NRXN1: variants seen among roughly 807,000 people sequenced by gnomAD.
NRXN1 encodes neurexin-1.
NRXN1 carries 39 observed loss-of-function variants against 150.9 expected under a neutral mutation model. The ratio of observed to expected loss-of-function variants is 0.26; its 90% CI spans 0.20 to 0.34. The LOEUF is 0.34. Ranked by LOEUF, NRXN1 falls within the 10% of genes least tolerant of loss-of-function variation. The pLI is 1.00. For missense variants in NRXN1, 1,815 were observed against 1,949.9 expected (o/e 0.93, Z 1.30); for synonymous variants, 924 against 757.0 (o/e 1.22, Z -3.62).
At chr2:50,493,467 C>T (rs377008474) in intron 15 of NRXN1, among the ~76,000 whole-genome samples, 15 of 152,170 alleles carry the variant, frequency 9.9e-5, no homozygotes, top group African/African-American at 3.4e-4. Context: ...GCTCCCTCAA[C>T]GCCAGTGTTC....
At chr2:50,865,061 T>C (rs974493825) in intron 5 of NRXN1, among the ~76,000 whole-genome samples, 4 of 151,778 alleles carry the variant, frequency 2.6e-5, no homozygotes, top group African/African-American at 9.7e-5. Flanking sequence ...TGCGTGTGTG[T>C]GTATGCGGTG....
intron 2 of NRXN1, among the ~76,000 whole-genome samples, chr2:51,001,640 T>A (rs1486257245): frequency 6.6e-6 from 1 of 151,970 alleles, no homozygotes; most frequent in African/African-American, 2.4e-5. Flanking sequence ...GTAGGCACAG[T>A]AAACATTATA....
intron 12 of NRXN1, among the ~76,000 whole-genome samples, chr2:50,512,498 A>G (rs2092486957): frequency 6.6e-6 from 1 of 152,216 alleles, no homozygotes; most frequent in African/African-American, 2.4e-5. Context: ...AGCACAGACT[A>G]CTAAGTGAAT....
intron 5 of NRXN1, among the ~76,000 whole-genome samples, chr2:50,864,898 C>T (rs933823134): frequency 1.3e-5 from 2 of 151,910 alleles, no homozygotes; most frequent in Non-Finnish European, 2.9e-5. Flanking sequence ...TCAGCAAGTC[C>T]AGGGTGGGGC....
chr2:50,010,204 C>T (rs1685430880), intron 21 of NRXN1, among the ~76,000 whole-genome samples: 1 of 151,608 alleles, frequency 6.6e-6, no homozygotes, highest in Non-Finnish European at 1.5e-5. Flanking sequence ...TTTCATGAAA[C>T]AGACTCAATA....
chr2:50,710,907 T>C (rs1238238088), intron 5 of NRXN1, among the ~76,000 whole-genome samples: 2 of 152,194 alleles, frequency 1.3e-5, no homozygotes, highest in Non-Finnish European at 2.9e-5. Flanking sequence ...TGTTTGCAAC[T>C]GTATCTAACA....
chr2:50,540,981 T>C (rs2105276714), intron 9 of NRXN1, among the ~76,000 whole-genome samples: 1 of 152,020 alleles, frequency 6.6e-6, no homozygotes, highest in African/African-American at 2.4e-5. Flanking sequence ...TGTTCTTAAA[T>C]AAAAGAGAGA....
At chr2:50,319,327 C>T (rs750721320) in intron 17 of NRXN1, among the ~76,000 whole-genome samples, 5 of 152,078 alleles carry the variant, frequency 3.3e-5, no homozygotes, top group South Asian at 2.1e-4. Flanking sequence ...CTTCATAAAA[C>T]GTAGCATAAA....
intron 18 of NRXN1, among the ~76,000 whole-genome samples, chr2:50,112,187 C>T (rs1006091003): frequency 1.3e-5 from 2 of 152,200 alleles, no homozygotes; most frequent in Admixed American, 6.5e-5. Context: ...CCCTCCAGAT[C>T]TCCCATCTGT....
intron 19 of NRXN1, among the ~76,000 whole-genome samples, chr2:50,058,441 T>G (rs892931767): frequency 5.9e-5 from 9 of 152,234 alleles, no homozygotes; most frequent in Non-Finnish European, 1.0e-4. Context: ...CAGGACAGAC[T>G]TTATTCTTGT....
chr2:50,528,506 TAAAAG>T (rs1451418915), intron 12 of NRXN1, 114 bp downstream of exon 12: 1 of 671,274 alleles, frequency 1.5e-6, no homozygotes, highest in Non-Finnish European at 2.6e-6. Context: ...TGGTATACTT[TAAAAG>T]TGAGCTCATG....
intron 5 of NRXN1, among the ~76,000 whole-genome samples, chr2:50,708,298 A>T (rs1306343521): frequency 6.6e-6 from 1 of 152,204 alleles, no homozygotes; most frequent in Non-Finnish European, 1.5e-5. Context: ...TACTTATAAA[A>T]TTATCATAGA....
chr2:50,239,958 G>T (rs558873666), intron 17 of NRXN1, among the ~76,000 whole-genome samples: 1 of 151,022 alleles, frequency 6.6e-6, no homozygotes, highest in East Asian at 2.0e-4. Context: ...TTTAGTTGGG[G>T]TACACTTCCC....
At chr2:50,630,109 T>C (rs1681994526) in intron 5 of NRXN1, among the ~76,000 whole-genome samples, 2 of 151,712 alleles carry the variant, frequency 1.3e-5, no homozygotes. Flanking sequence ...TCCCATTCCA[T>C]ATCCGACACA....
intron 5 of NRXN1, among the ~76,000 whole-genome samples, chr2:50,825,779 C>A (rs115401547): frequency 6.6e-6 from 1 of 152,178 alleles, no homozygotes; most frequent in Non-Finnish European, 1.5e-5. Flanking sequence ...CATTGGAAGT[C>A]GGTCGGGAGG....
intron 22 of NRXN1, among the ~76,000 whole-genome samples, chr2:49,933,468 T>C (rs930163212): frequency 6.6e-6 from 1 of 152,072 alleles, no homozygotes; most frequent in African/African-American, 2.4e-5. Flanking sequence ...TCTCTGTCCT[T>C]TGCTGTGGGA....
At chr2:50,831,421 A>G (rs1671392169) in intron 5 of NRXN1, among the ~76,000 whole-genome samples, 1 of 152,198 alleles carries the variant, frequency 6.6e-6, no homozygotes, top group Admixed American at 6.5e-5. Flanking sequence ...TTATAAGTAC[A>G]AAACCAGTCA....
chr2:50,083,895 A>G (rs1466927547), intron 19 of NRXN1, among the ~76,000 whole-genome samples: 1 of 152,122 alleles, frequency 6.6e-6, no homozygotes, highest in Non-Finnish European at 1.5e-5. Flanking sequence ...GTAGACATAA[A>G]GGTTCTCCAA....
intron 21 of NRXN1, among the ~76,000 whole-genome samples, chr2:50,012,014 A>C (rs932842618): frequency 4.6e-5 from 7 of 152,128 alleles, no homozygotes; most frequent in African/African-American, 1.7e-4. Context: ...GATGTAAGGC[A>C]AACATAATAG....
Sources: allele counts gnomAD v4.1 joint callset (sites outside exome capture counted in the v4.1 genomes callset), GRCh38; gene constraint gnomAD v4.1.1; transcripts MANE v1.5; gene names NCBI Gene and HGNC (gene_info 2026-07-23, HGNC 2026-07-21).